ZDHHC13: variants seen among roughly 807,000 people sequenced by gnomAD.
The protein encoded by ZDHHC13 is palmitoyltransferase ZDHHC13.
In ZDHHC13, 85 loss-of-function variants were observed where a neutral mutation model predicts 86.0. The ratio of observed to expected loss-of-function variants is 0.99; its 90% CI spans 0.83 to 1.18. The LOEUF (loss-of-function observed/expected upper bound fraction) is 1.18, where lower values mean the gene tolerates loss of function less well. Among genes scored for constraint, ZDHHC13 ranks in the 50% most tolerant of loss-of-function variants. ZDHHC13 has a pLI of 0.00. For synonymous variants in ZDHHC13, 263 were observed against 246.4 expected (o/e 1.07, Z -0.63); for missense variants, 711 against 730.2 (o/e 0.97, Z 0.30).
chr11:19,170,149 G>T, intron 14 of ZDHHC13: 1 of 1,273,920 alleles, frequency 7.8e-7, no homozygotes, highest in Non-Finnish European at 9.9e-7. Flanking sequence ...TTTTAGTAAA[G>T]ATTTTACGGA....
At chr11:19,164,515 C>A in intron 12 of ZDHHC13, 152 bp downstream of exon 12, 1 of 699,578 alleles carries the variant, frequency 1.4e-6, no homozygotes, top group Non-Finnish European at 2.4e-6. Context: ...AGCTTTCTGT[C>A]TTGAACATAT....
intron 2 of ZDHHC13, 34 bp downstream of exon 2, chr11:19,143,157 G>A (rs1565028230): frequency 6.3e-7 from 1 of 1,589,782 alleles, no homozygotes; most frequent in African/African-American, 1.4e-5. Flanking sequence ...TTATCCTTAT[G>A]TTCTCTAGAA....
intron 1 of ZDHHC13, among the ~76,000 whole-genome samples, chr11:19,135,899 C>T (rs1353863074): frequency 2.6e-5 from 4 of 151,824 alleles, no homozygotes; most frequent in African/African-American, 9.7e-5. Flanking sequence ...ACAGAAAGGA[C>T]ATCCACACCA....
At chr11:19,163,530 G>A in intron 11 of ZDHHC13, 103 bp downstream of exon 11, 1 of 1,206,278 alleles carries the variant, frequency 8.3e-7, no homozygotes, top group Non-Finnish European at 1.1e-6. Flanking sequence ...ACGGCTGCAT[G>A]ACATGTGGGG....
At chr11:19,150,638 T>C (rs532161617) in intron 5 of ZDHHC13, 89 bp from the exon 6 acceptor site, 16 of 1,095,366 alleles carry the variant, frequency 1.5e-5, no homozygotes, top group East Asian at 2.4e-5. Context: ...ATGGTAGTAT[T>C]GAATGTATTA....
chr11:19,135,819 A>G (rs1849122369), intron 1 of ZDHHC13, among the ~76,000 whole-genome samples: 1 of 152,150 alleles, frequency 6.6e-6, no homozygotes, highest in Non-Finnish European at 1.5e-5. Flanking sequence ...GTAGACTGAC[A>G]CCTCACATGG....
intron 8 of ZDHHC13, among the ~76,000 whole-genome samples, chr11:19,153,562 T>C (rs566780140): frequency 3.3e-5 from 5 of 152,276 alleles, no homozygotes; most frequent in Admixed American, 3.3e-4. Context: ...TATTCCTCAG[T>C]CTCCTTTGCC....
intron 5 of ZDHHC13, among the ~76,000 whole-genome samples, chr11:19,149,588 C>T (rs1446306291): frequency 6.6e-6 from 1 of 152,104 alleles, no homozygotes; most frequent in East Asian, 1.9e-4. Flanking sequence ...TCTTATGAAC[C>T]CAGTAATTTG....
intron 2 of ZDHHC13, among the ~76,000 whole-genome samples, chr11:19,145,616 A>G (rs138390078): frequency 6.6e-6 from 1 of 152,332 alleles, no homozygotes; most frequent in African/African-American, 2.4e-5. Flanking sequence ...ACATCCATGT[A>G]GTTTCACATT....
intron 13 of ZDHHC13, 105 bp downstream of exon 13, chr11:19,165,250 C>G: frequency 9.7e-7 from 1 of 1,035,876 alleles, no homozygotes; most frequent in South Asian, 1.5e-5. Context: ...TTTCAATATT[C>G]TAGTATTCCA....
chr11:19,133,168 A>G (rs1355025743), intron 1 of ZDHHC13, among the ~76,000 whole-genome samples: 1 of 152,206 alleles, frequency 6.6e-6, no homozygotes, highest in Non-Finnish European at 1.5e-5. Context: ...ATGTTTACAC[A>G]TTCATCAGAT....
Position 19,163,308 on chromosome 11 carries a change from G to T in ZDHHC13, c.1114G>T (p.Ala372Ser), listed in dbSNP as rs753986315. The T allele has an allele frequency of 6.3e-7, 1 of 1,584,106 alleles. No homozygotes were observed. The highest frequency in any genetic ancestry group is 8.6e-7 in the Non-Finnish European group (1 of 1,169,352). ...TWFILFFPDL[A>S]GAPFYFSFIF... is the part of the protein sequence containing the mutation. Reference sequence around the variant, plus strand: ...TTCCTTAACTTGGCTTTAACATTTAGCAGGAGCCCCTTTCTATTTCAGTTT... The same window carrying T: ...TTCCTTAACTTGGCTTTAACATTTATCAGGAGCCCCTTTCTATTTCAGTTT... The change falls in exon 11 of 17, where the codon GCA (alanine) becomes TCA (serine). Residue 372 changes from alanine (A) to serine (S), a missense_variant. Coordinates refer to ENST00000446113, the MANE Select transcript of ZDHHC13 (RefSeq NM_019028.3).
chr11:19,147,721 G>A (rs773479904), intron 4 of ZDHHC13, 48 bp downstream of exon 4: 88 of 1,393,460 alleles, frequency 6.3e-5, no homozygotes, highest in Non-Finnish European at 8.0e-5. Flanking sequence ...TATAGCTAGT[G>A]GTCACCATAT....
chr11:19,172,433 A>T (rs971897198), intron 15 of ZDHHC13, among the ~76,000 whole-genome samples: 1 of 152,208 alleles, frequency 6.6e-6, no homozygotes, highest in African/African-American at 2.4e-5. Context: ...GAGTGGTATG[A>T]TGAGCTGCTT....
chr11:19,147,055 T>TATA (rs1377415962), intron 3 of ZDHHC13, among the ~76,000 whole-genome samples: 1 of 152,156 alleles, frequency 6.6e-6, no homozygotes, highest in Non-Finnish European at 1.5e-5. Context: ...CTTATTACCT[T>TATA]ATATGTCCAC....
chr11:19,170,537 C>A lies in ZDHHC13; in HGVS notation c.1601C>A (p.Ser534Ter). Residue 534 changes from serine to a stop codon, truncating the protein, a stop_gained, in exon 15 of 17, where the codon TCA (serine) becomes TAA (stop). Coordinates refer to ENST00000446113, the MANE Select transcript of ZDHHC13 (RefSeq NM_019028.3). LOFTEE classifies it high-confidence loss of function. Reference protein sequence around the residue: ...LMLATFHFSWSTFLLLNQLFQ... With the variant: ...LMLATFHFSW ...CTAGCAACTTTCCATTTCTCATGGT[C>A]AACATTTTTATTATTAAATCAACTC... The A allele has an allele frequency of 6.5e-7, 1 of 1,528,378 alleles. No homozygotes were observed. The highest frequency in any genetic ancestry group is 1.4e-5 in the African/African-American group (1 of 71,380). 94.7% of individuals were successfully genotyped at this position (1,528,378 alleles called of 1,614,324 possible).
Position 19,143,041 on chromosome 11 carries a change from G to A in ZDHHC13, c.91G>A (p.Glu31Lys), listed in dbSNP as rs781481593. Residue 31 changes from glutamate (E) to lysine (K), a missense_variant, in exon 2 of 17, where the codon GAA (glutamate) becomes AAA (lysine). Coordinates refer to ENST00000446113, the MANE Select transcript of ZDHHC13 (RefSeq NM_019028.3). Reference protein sequence around the residue: ...GFGRYGICAHENKELANAREA... With the variant: ...GFGRYGICAHKNKELANAREA... ...TGGTCGATATGGCATCTGTGCACAT[G>A]AAAACAAAGAACTTGCCAATGCAAG... The A allele has an allele frequency of 2.5e-6, 4 of 1,612,798 alleles. No homozygotes were observed. In the Admixed American group the frequency reaches 6.7e-5, roughly 27 times the overall value.
chr11:19,126,550 A>G (rs1360984921), intron 1 of ZDHHC13, among the ~76,000 whole-genome samples: 1 of 121,218 alleles, frequency 8.2e-6, no homozygotes, highest in African/African-American at 3.3e-5. Flanking sequence ...GAGTTTCACC[A>G]TGTTGACCAG....
Position 19,147,570 on chromosome 11 carries a change from C to T in ZDHHC13, c.297-26C>T, listed in dbSNP as rs75345109. The T allele has an allele frequency of 1.3e-3, 2,067 of 1,556,800 alleles. 20 individuals carry two copies. The African/African-American group carries it at 0.025, about 19-fold the overall frequency. On this transcript the variant is annotated intron_variant, in intron 3 of 16. Transcript: ENST00000446113. ...TATGAAGCTTAAGTTTCAAATCTTA[C>T]TTTCATTTGTGTCTGCTTTTAACAG...
Sources: allele counts gnomAD v4.1 joint callset (sites outside exome capture counted in the v4.1 genomes callset), GRCh38; gene constraint gnomAD v4.1.1; transcripts MANE v1.5; gene names NCBI Gene and HGNC (gene_info 2026-07-23, HGNC 2026-07-21).